The following ANO10 variants were observed in gnomAD, a reference collection of about 807,000 sequenced individuals.
The protein encoded by ANO10 is anoctamin-10.
ANO10 carries 77 observed loss-of-function variants against 74.7 expected under a neutral mutation model. That is an observed-to-expected ratio of 1.03 (90% CI 0.86 to 1.25). ANO10 has a LOEUF of 1.25. Ranked by LOEUF, ANO10 falls within the 50% of genes most tolerant of loss-of-function variation. ANO10 has a pLI of 0.00. For missense variants in ANO10, 721 were observed against 778.1 expected (o/e 0.93, Z 0.87); for synonymous variants, 279 against 284.9 (o/e 0.98, Z 0.21).
chr3:43,635,768 C>T (rs2083602733), intron 1 of ANO10, among the ~76,000 whole-genome samples: 1 of 151,992 alleles, frequency 6.6e-6, no homozygotes, highest in African/African-American at 2.4e-5. Context: ...TACAGACGCG[C>T]ACCCACCATG....
intron 7 of ANO10, among the ~76,000 whole-genome samples, chr3:43,567,838 A>G (rs2080455450): frequency 1.3e-5 from 2 of 152,116 alleles, no homozygotes; most frequent in Admixed American, 1.3e-4. Flanking sequence ...TAACAATATT[A>G]ACTTTAAATG....
intron 7 of ANO10, among the ~76,000 whole-genome samples, chr3:43,566,887 G>A (rs556894956): frequency 1.3e-5 from 2 of 152,198 alleles, no homozygotes; most frequent in South Asian, 4.1e-4. Flanking sequence ...ATTACTCTGA[G>A]CTACGGGAGG....
At chr3:43,643,156 C>T (rs1023216655) in intron 1 of ANO10, among the ~76,000 whole-genome samples, 31 of 151,420 alleles carry the variant, frequency 2.0e-4, no homozygotes, top group African/African-American at 5.6e-4. Flanking sequence ...CTCAGCCTCC[C>T]GAGTAGCTGG....
chr3:43,454,421 G>C (rs1575872350), intron 11 of ANO10, among the ~76,000 whole-genome samples: 1 of 152,148 alleles, frequency 6.6e-6, no homozygotes, highest in South Asian at 2.1e-4. Flanking sequence ...GCTGTGTTGA[G>C]ACCAGACAAA....
intron 11 of ANO10, among the ~76,000 whole-genome samples, chr3:43,494,396 T>G (rs1222231770): frequency 5.9e-5 from 9 of 152,168 alleles, no homozygotes; most frequent in Admixed American, 5.9e-4. Context: ...GAGGTTGCAG[T>G]GAGCTGAGAT....
chr3:43,690,397 G>C (rs2084342210), intron 1 of ANO10: 1 of 152,376 alleles, frequency 6.6e-6, no homozygotes, highest in Non-Finnish European at 1.5e-5. Context: ...AGAGAGTCGA[G>C]TGGGAGGGAA....
intron 10 of ANO10, among the ~76,000 whole-genome samples, chr3:43,551,839 T>C (rs2079477381): frequency 6.6e-6 from 1 of 152,224 alleles, no homozygotes; most frequent in Non-Finnish European, 1.5e-5. Context: ...CTTGAGATTC[T>C]TAGAGACAGC....
chr3:43,475,588 GTTCT>G (rs1022997665), intron 11 of ANO10, among the ~76,000 whole-genome samples: 18 of 152,044 alleles, frequency 1.2e-4, no homozygotes, highest in African/African-American at 4.3e-4. Context: ...TGTGGGGGGG[GTTCT>G]TTGTTTTTGT....
At chr3:43,676,943 C>A (rs1378134031) in intron 1 of ANO10, among the ~76,000 whole-genome samples, 1 of 151,872 alleles carries the variant, frequency 6.6e-6, no homozygotes, top group Non-Finnish European at 1.5e-5. Context: ...AAAAGGAATG[C>A]AAAACAAAAT....
rs569877261 is a variant in ANO10 at position 43,636,032 on chromosome 3, C to CA, written c.-11-30170dup. ...AACAAGTAAAAAAAACAAAAAAAAA[C>CA]AAAAAAAACCCAAAAAACAGAGTTG... is the stretch of plus-strand genomic sequence containing the variant. On this transcript the variant is annotated intron_variant, in intron 1 of 3. Transcript: ENST00000413397. Among the ~76,000 whole-genome samples the CA allele has an allele frequency of 2.2e-3, 333 of 150,728 alleles. 10 individuals are homozygous for CA. The South Asian group carries it at 0.046, about 21-fold the overall frequency.
rs1404459265 is a variant in ANO10 at position 43,366,812 on chromosome 3, C to G, written c.*94G>C. The G allele has an allele frequency of 3.1e-6, 4 of 1,307,002 alleles. No homozygotes were observed. The highest frequency in any genetic ancestry group is 4.3e-6 in the Non-Finnish European group (4 of 927,826). The allele number at this position is 1,307,002 out of a possible 1,614,324, so 81.0% of individuals were successfully genotyped here. A position where few individuals can be genotyped will look rare whatever the true frequency, so the allele number is the denominator to read the frequency against. On this transcript the variant is annotated 3_prime_UTR_variant, in exon 13 of 13. Coordinates refer to ENST00000292246, the MANE Select transcript of ANO10 (RefSeq NM_018075.5). ...TAAGCATTGGGTCTGGGTTCAGGAG[C>G]CACGATGCTGCCCCGGGTACCCCCC...
In ANO10 at chr3:43,452,730, G is replaced by C. The variant is rs556981226; in HGVS notation, c.1798-20003C>G. On this transcript the variant is annotated intron_variant, in intron 11 of 12. Transcript: ENST00000292246. ...CTGCTGGATCGCATAGTAACTCTATGGTTAACATTTAGTGGAACTGCTAAA... is the reference window on the plus strand; with the variant it reads ...CTGCTGGATCGCATAGTAACTCTATCGTTAACATTTAGTGGAACTGCTAAA... Among the ~76,000 whole-genome samples the C allele has an allele frequency of 4.6e-5, 7 of 152,270 alleles. No individual in the cohort carries two copies. The East Asian group carries it at 1.2e-3, about 25-fold the overall frequency.
chr3:43,416,180 T>G (rs1441058178), intron 12 of ANO10, among the ~76,000 whole-genome samples: 38 of 152,252 alleles, frequency 2.5e-4, no homozygotes, highest in Non-Finnish European at 8.8e-5. Context: ...ATTTAAAATA[T>G]GCCTATCTTT....
At chr3:43,446,129 C>T (rs757798099) in intron 11 of ANO10, among the ~76,000 whole-genome samples, 8 of 152,142 alleles carry the variant, frequency 5.3e-5, no homozygotes, top group Non-Finnish European at 1.0e-4. Context: ...TCATCAGCTT[C>T]GGGGCCCAGG....
intron 12 of ANO10, among the ~76,000 whole-genome samples, chr3:43,425,162 TAC>T (rs1433692329): frequency 6.6e-6 from 1 of 152,130 alleles, no homozygotes; most frequent in Non-Finnish European, 1.5e-5. Context: ...TGTAAAATTT[TAC>T]AGTTTCCATT....
At chr3:43,450,343 C>A (rs1443419365) in intron 11 of ANO10, among the ~76,000 whole-genome samples, 1 of 152,038 alleles carries the variant, frequency 6.6e-6, no homozygotes, top group Non-Finnish European at 1.5e-5. Flanking sequence ...GAGTTTGAGA[C>A]CAGCCTGGGC....
intron 12 of ANO10, among the ~76,000 whole-genome samples, chr3:43,426,798 C>A (rs2092906351): frequency 6.6e-6 from 1 of 152,194 alleles, no homozygotes; most frequent in South Asian, 2.1e-4. Flanking sequence ...CCAAATAAAG[C>A]CTAATCATTT....
intron 12 of ANO10, among the ~76,000 whole-genome samples, chr3:43,383,694 G>T (rs984090652): frequency 4.6e-5 from 7 of 152,138 alleles, no homozygotes; most frequent in African/African-American, 1.7e-4. Context: ...CATCTCAGTA[G>T]ATGCAGAAAA....
At chr3:43,488,850 C>T (rs1050464331) in intron 11 of ANO10, among the ~76,000 whole-genome samples, 1 of 151,280 alleles carries the variant, frequency 6.6e-6, no homozygotes, top group Non-Finnish European at 1.5e-5. Context: ...AAATCATGCT[C>T]CTATAAAGAC....
Sources: gnomAD v4.1 joint callset for allele counts (sites outside exome capture counted in the v4.1 genomes callset) on GRCh38, gnomAD v4.1.1 for gene constraint, MANE v1.5 for transcripts, NCBI Gene and HGNC (gene_info 2026-07-23, HGNC 2026-07-21) for gene names.